PLB1: variants seen among roughly 807,000 people sequenced by gnomAD.
PLB1 encodes phospholipase B1, membrane-associated.
A neutral mutation model predicts 227.4 loss-of-function variants in PLB1; 242 were observed. The ratio of observed to expected loss-of-function variants is 1.06; its 90% CI spans 0.96 to 1.18. The LOEUF (loss-of-function observed/expected upper bound fraction) is 1.18. PLB1 is among the 50% of genes most tolerant of loss of function. The probability of loss-of-function intolerance (pLI) is 0.00; values close to 1 mark genes in which losing one functional copy is unlikely to be tolerated. For missense variants in PLB1, 1,858 were observed against 1,816.3 expected (o/e 1.02, Z -0.42); for synonymous variants, 757 against 682.2 (o/e 1.11, Z -1.71).
chr2:28,569,028 CA>C (rs1414084282), intron 20 of PLB1, among the ~76,000 whole-genome samples: 2 of 152,174 alleles, frequency 1.3e-5, no homozygotes, highest in African/African-American at 4.8e-5. Context: ...GAAATCGGAG[CA>C]ATTTCCATTT....
intron 54 of PLB1, among the ~76,000 whole-genome samples, chr2:28,631,163 AAAAG>A (rs1688583105): frequency 6.6e-6 from 1 of 151,530 alleles, no homozygotes; most frequent in Non-Finnish European, 1.5e-5. Context: ...AAAAAAAAAA[AAAAG>A]AAAAAAAGAA....
intron 12 of PLB1, among the ~76,000 whole-genome samples, chr2:28,540,744 C>T (rs1330228226): frequency 2.6e-5 from 4 of 152,162 alleles, no homozygotes; most frequent in Non-Finnish European, 5.9e-5. Context: ...TGCTTTTGGT[C>T]ATCAGTGCCA....
At chr2:28,536,819 C>T (rs887374391) in intron 9 of PLB1, among the ~76,000 whole-genome samples, 1 of 152,132 alleles carries the variant, frequency 6.6e-6, no homozygotes, top group African/African-American at 2.4e-5. Context: ...GTTGGTGTCC[C>T]GAGCGACAAC....
At chr2:28,538,569 C>T (rs1672028243) in intron 10 of PLB1, among the ~76,000 whole-genome samples, 188 bp downstream of exon 10, 1 of 152,168 alleles carries the variant, frequency 6.6e-6, no homozygotes, top group African/African-American at 2.4e-5. Context: ...ACACTCCACT[C>T]CTGCAAAGGA....
intron 1 of PLB1, among the ~76,000 whole-genome samples, chr2:28,499,298 G>A (rs561105812): frequency 4.6e-5 from 7 of 151,916 alleles, no homozygotes; most frequent in Non-Finnish European, 7.4e-5. Context: ...TGCACATAGC[G>A]TTGTTCCAAC....
intron 44 of PLB1, among the ~76,000 whole-genome samples, chr2:28,617,509 A>G (rs559313494): frequency 6.6e-6 from 1 of 152,310 alleles, no homozygotes; most frequent in African/African-American, 2.4e-5. Context: ...GACATGCACT[A>G]TGGGTTGTGC....
chr2:28,591,193 T>A lies in PLB1; in HGVS notation c.2127+22T>A, dbSNP rs1405089815. The stretch of plus-strand genomic sequence containing the variant: ...GCAGGTACCTGCCTCTTGCCTCCTC[T>A]TGACTCACCAGGCAATGCAATGGGC... On this transcript the variant is annotated intron_variant, in intron 30 of 57. Transcript: ENST00000327757. 1.9e-6 allele frequency: 3 copies of A among 1,613,992 alleles called. No homozygotes were observed. The Admixed American group carries it at 5.0e-5, about 27-fold the overall frequency.
chr2:28,616,008 C>A (rs1327463719), intron 44 of PLB1, among the ~76,000 whole-genome samples: 1 of 152,064 alleles, frequency 6.6e-6, no homozygotes, highest in African/African-American at 2.4e-5. Flanking sequence ...TCACCATATG[C>A]GGAAGCTTAA....
At chr2:28,613,570 T>C (rs1307569886) in intron 43 of PLB1, among the ~76,000 whole-genome samples, 1 of 151,728 alleles carries the variant, frequency 6.6e-6, no homozygotes, top group Non-Finnish European at 1.5e-5. Context: ...ATGACTAAGA[T>C]ACAGGAACCC....
intron 43 of PLB1, among the ~76,000 whole-genome samples, chr2:28,609,584 T>C (rs1015503931): frequency 3.9e-5 from 6 of 152,190 alleles, no homozygotes; most frequent in Non-Finnish European, 8.8e-5. Flanking sequence ...GTGACATTGT[T>C]ATCTTTTTGA....
At chr2:28,499,088 T>A (rs968968266) in intron 1 of PLB1, among the ~76,000 whole-genome samples, 36 of 38,086 alleles carry the variant, frequency 9.5e-4, no homozygotes, top group African/African-American at 4.1e-3. Flanking sequence ...GGCAAGTGGG[T>A]TTTAAAATTT....
At chr2:28,626,688 C>T in intron 51 of PLB1, 180 bp downstream of exon 51, 2 of 624,408 alleles carry the variant, frequency 3.2e-6, no homozygotes, top group Non-Finnish European at 5.7e-6. Flanking sequence ...TTTTCTACTG[C>T]CTGAGCGACC....
At chr2:28,551,910 A>C (rs1413619451) in intron 16 of PLB1, among the ~76,000 whole-genome samples, 1 of 152,252 alleles carries the variant, frequency 6.6e-6, no homozygotes. Context: ...GTGTACCACT[A>C]GAATGCAAGC....
chr2:28,529,600 C>A, intron 7 of PLB1, 128 bp from the exon 8 acceptor site: 3 of 1,055,558 alleles, frequency 2.8e-6, no homozygotes, highest in Non-Finnish European at 4.2e-6. Flanking sequence ...GGTCAATGCC[C>A]ACCCTTCAGA....
At chr2:28,560,434 G>T (rs1675872934) in intron 17 of PLB1, among the ~76,000 whole-genome samples, 1 of 152,162 alleles carries the variant, frequency 6.6e-6, no homozygotes, top group South Asian at 2.1e-4. Flanking sequence ...GGGGTAGGTA[G>T]ATGTAGTACC....
At chr2:28,551,631 A>G (rs893629048) in intron 16 of PLB1, among the ~76,000 whole-genome samples, 1 of 152,218 alleles carries the variant, frequency 6.6e-6, no homozygotes, top group African/African-American at 2.4e-5. Context: ...TAAAGTAACC[A>G]GCTCTGGGTT....
Position 28,643,828 on chromosome 2 carries a change from A to C in PLB1, c.*767A>C, listed in dbSNP as rs907038238. 2.6e-5 allele frequency: 4 copies of C among 152,220 alleles called. No individual in the cohort carries two copies. Among genetic ancestry groups the C allele is most frequent in the Non-Finnish European group, 2.9e-5 (2 of 68,024 alleles). The allele number at this position is 152,220 out of a possible 1,614,324, so 9.4% of individuals were successfully genotyped here. On this transcript the variant is annotated 3_prime_UTR_variant, in exon 58 of 58. Transcript: ENST00000327757. ...TCAACCTGATTTTCTCAAGGTGCTA[A>C]ATTTAGGAAAAAATTCCTATTTCTA... is the stretch of plus-strand genomic sequence containing the variant.
At chr2:28,627,656 C>T (rs1402765896) in intron 51 of PLB1, among the ~76,000 whole-genome samples, 1 of 152,170 alleles carries the variant, frequency 6.6e-6, no homozygotes, top group Non-Finnish European at 1.5e-5. Context: ...TGGCTGTGGC[C>T]AGAAACTCAG....
chr2:28,612,453 G>C (rs969830001), intron 43 of PLB1, among the ~76,000 whole-genome samples: 1 of 152,112 alleles, frequency 6.6e-6, no homozygotes, highest in African/African-American at 2.4e-5. Flanking sequence ...CCTGGAACCC[G>C]TCCCTTCCTC....
Sources: gnomAD v4.1 joint callset for allele counts (sites outside exome capture counted in the v4.1 genomes callset) on GRCh38, gnomAD v4.1.1 for gene constraint, MANE v1.5 for transcripts, NCBI Gene and HGNC (gene_info 2026-07-23, HGNC 2026-07-21) for gene names.